SGCD: variants seen among roughly 807,000 people sequenced by gnomAD.
The protein encoded by SGCD is delta-sarcoglycan.
A neutral mutation model predicts 36.6 loss-of-function variants in SGCD; 18 were observed. That is an observed-to-expected ratio of 0.49 (90% confidence interval 0.34 to 0.73). SGCD has a LOEUF of 0.73. Among genes scored for constraint, SGCD ranks in the 30% least tolerant of loss-of-function variants. SGCD has a pLI of 0.01. For missense variants in SGCD, 387 were observed against 346.7 expected (o/e 1.12, Z -0.92); for synonymous variants, 133 against 130.6 (o/e 1.02, Z -0.12).
intron 3 of SGCD, among the ~76,000 whole-genome samples, chr5:156,270,967 A>G (rs969246598): frequency 6.6e-6 from 1 of 152,206 alleles, no homozygotes; most frequent in South Asian, 2.1e-4. Context: ...TATAACATCA[A>G]CCAAACTCAG....
the SGCD span, among the ~76,000 whole-genome samples, chr5:155,851,166 A>C: frequency 6.6e-6 from 1 of 152,142 alleles, no homozygotes; most frequent in South Asian, 2.1e-4. Flanking sequence ...TCAACTTAGG[A>C]TTCTGACTTA....
chr5:156,211,540 G>A (rs1294483550), intron 3 of SGCD, among the ~76,000 whole-genome samples: 4 of 151,478 alleles, frequency 2.6e-5, no homozygotes, highest in Admixed American at 1.3e-4. Flanking sequence ...CCTGGGAGGC[G>A]GAGCCTGCAG....
chr5:156,529,442 A>G (rs1054500243), intron 4 of SGCD, among the ~76,000 whole-genome samples: 2 of 151,668 alleles, frequency 1.3e-5, no homozygotes, highest in African/African-American at 4.8e-5. Context: ...AAAAAAAAAA[A>G]AAGGCACATG....
At chr5:156,180,439 T>A (rs1398877574) in intron 3 of SGCD, among the ~76,000 whole-genome samples, 1 of 152,164 alleles carries the variant, frequency 6.6e-6, no homozygotes, top group East Asian at 1.9e-4. Flanking sequence ...CACAGCATGA[T>A]TGTGTAGATA....
In SGCD at chr5:156,105,922, C is replaced by T. The variant is rs550865125; in HGVS notation, c.-281-11956C>T. On this transcript the variant is annotated intron_variant, in intron 1 of 9. Coordinates refer to the SGCD transcript ENST00000517913. ...GATCAGGAGTTCAAGACCTGCCTGG[C>T]GAAGATGGTGAAACCCCGTCTCTAC... Among the ~76,000 whole-genome samples the T allele has an allele frequency of 4.6e-5, 7 of 151,530 alleles. No individual in the cohort carries two copies. The East Asian group carries it at 1.4e-3, about 30-fold the overall frequency.
intron 4 of SGCD, among the ~76,000 whole-genome samples, chr5:156,559,757 G>A (rs1470014852): frequency 6.6e-6 from 1 of 152,108 alleles, no homozygotes. Flanking sequence ...TAGGAGACAG[G>A]CTTACTAGTC....
At chr5:156,023,498 C>T (rs772374922) in intron 1 of SGCD, among the ~76,000 whole-genome samples, 5 of 152,210 alleles carry the variant, frequency 3.3e-5, no homozygotes, top group Non-Finnish European at 7.3e-5. Context: ...ATTACTGGCA[C>T]TAATTACTTG....
the SGCD span, among the ~76,000 whole-genome samples, chr5:155,839,493 G>A: frequency 6.6e-6 from 1 of 152,136 alleles, no homozygotes; most frequent in Admixed American, 6.5e-5. Context: ...TCAGCCTCCA[G>A]GCTTAACTTT....
intron 6 of SGCD, among the ~76,000 whole-genome samples, chr5:156,631,161 G>T (rs1226589429): frequency 1.3e-5 from 2 of 152,098 alleles, no homozygotes; most frequent in Non-Finnish European, 2.9e-5. Context: ...TTCATAATGG[G>T]TCAGAAAGAC....
At chr5:156,620,450 T>G (rs1269979453) in intron 6 of SGCD, among the ~76,000 whole-genome samples, 2 of 152,206 alleles carry the variant, frequency 1.3e-5, no homozygotes, top group Admixed American at 6.5e-5. Flanking sequence ...ATAGTGAAAA[T>G]GTTTTTAAAA....
intron 7 of SGCD, among the ~76,000 whole-genome samples, chr5:156,700,980 A>G (rs139209169): frequency 6.6e-6 from 1 of 151,502 alleles, no homozygotes; most frequent in African/African-American, 2.4e-5. Context: ...GAAAGAAGAA[A>G]CCTTCCTTAA....
At chr5:156,135,931 C>T (rs980184657) in intron 3 of SGCD, among the ~76,000 whole-genome samples, 1 of 152,050 alleles carries the variant, frequency 6.6e-6, no homozygotes, top group African/African-American at 2.4e-5. Flanking sequence ...CTACAAATAA[C>T]ATTTTGATGT....
At chr5:156,178,572 A>G (rs1244972315) in intron 3 of SGCD, among the ~76,000 whole-genome samples, 1 of 152,184 alleles carries the variant, frequency 6.6e-6, no homozygotes, top group Non-Finnish European at 1.5e-5. Context: ...TTATAGACAA[A>G]TGATAAATCT....
chr5:156,221,094 T>C (rs1764706304), intron 3 of SGCD, among the ~76,000 whole-genome samples: 1 of 152,124 alleles, frequency 6.6e-6, no homozygotes, highest in Admixed American at 6.6e-5. Context: ...AAGCATAATA[T>C]CATAATATAA....
the SGCD span, among the ~76,000 whole-genome samples, chr5:155,790,608 A>G: frequency 6.6e-6 from 1 of 152,092 alleles, no homozygotes; most frequent in Non-Finnish European, 1.5e-5. Flanking sequence ...TCCAAACCCT[A>G]AAAGCATGAG....
At chr5:156,547,955 T>C (rs1258064463) in intron 4 of SGCD, among the ~76,000 whole-genome samples, 2 of 152,228 alleles carry the variant, frequency 1.3e-5, no homozygotes, top group East Asian at 3.9e-4. Flanking sequence ...ATTGATTTGG[T>C]AGCACACAGG....
chr5:156,336,055 C>T (rs1375133936), intron 2 of SGCD, among the ~76,000 whole-genome samples: 1 of 152,126 alleles, frequency 6.6e-6, no homozygotes, highest in Non-Finnish European at 1.5e-5. Flanking sequence ...TGTATCATAC[C>T]TGAGGTTTTT....
At chr5:156,737,330 G>T (rs1366605400) in intron 7 of SGCD, among the ~76,000 whole-genome samples, 1 of 152,130 alleles carries the variant, frequency 6.6e-6, no homozygotes, top group Non-Finnish European at 1.5e-5. Context: ...TCTGCTGCTA[G>T]CTGAGTTACC....
At chr5:156,196,731 A>T (rs1187447774) in intron 3 of SGCD, among the ~76,000 whole-genome samples, 1 of 152,188 alleles carries the variant, frequency 6.6e-6, no homozygotes, top group Non-Finnish European at 1.5e-5. Flanking sequence ...AATGTATACT[A>T]AATTCTAGAA....
Sources: allele counts gnomAD v4.1 joint callset (sites outside exome capture counted in the v4.1 genomes callset), GRCh38; gene constraint gnomAD v4.1.1; transcripts MANE v1.5; gene names NCBI Gene and HGNC (gene_info 2026-07-23, HGNC 2026-07-21).